Variants in GPM6A observed in about 807,000 individuals in gnomAD.
GPM6A encodes the protein glycoprotein M6A, also known as neuronal membrane glycoprotein M6-a.
A neutral mutation model predicts 32.1 loss-of-function variants in GPM6A; 7 were observed. That is an observed-to-expected ratio of 0.22 (90% confidence interval 0.12 to 0.41). The LOEUF (loss-of-function observed/expected upper bound fraction) is 0.41. Among genes scored for constraint, GPM6A ranks in the 10% least tolerant of loss-of-function variants. The pLI is 1.00. For synonymous variants in GPM6A, 130 were observed against 123.4 expected (o/e 1.05, Z -0.35); for missense variants, 235 against 347.2 (o/e 0.68, Z 2.57).
At chr4:175,817,642 G>A (rs889264871) in intron 1 of GPM6A, among the ~76,000 whole-genome samples, 4 of 7,768 alleles carry the variant, frequency 5.1e-4, no homozygotes, top group African/African-American at 6.0e-4. Context: ...GAAATTAGAT[G>A]GGAAAAAAGG....
At chr4:175,744,215 A>T (rs1161037963) in intron 1 of GPM6A, among the ~76,000 whole-genome samples, 2 of 152,072 alleles carry the variant, frequency 1.3e-5, no homozygotes. Flanking sequence ...AGGAGGGGGA[A>T]TATCCAAATA....
intron 1 of GPM6A, among the ~76,000 whole-genome samples, chr4:175,946,635 C>G (rs1183152145): frequency 6.6e-6 from 1 of 152,044 alleles, no homozygotes; most frequent in Admixed American, 6.5e-5. Context: ...ATGTCAAGAA[C>G]AGGGAACCGC....
intron 1 of GPM6A, among the ~76,000 whole-genome samples, chr4:175,752,391 C>T (rs187155349): frequency 4.6e-5 from 7 of 152,152 alleles, no homozygotes; most frequent in Admixed American, 3.3e-4. Flanking sequence ...TCTGCAAGGC[C>T]GAGCCTTTTT....
intron 1 of GPM6A, among the ~76,000 whole-genome samples, chr4:175,954,687 C>G (rs913416261): frequency 5.3e-5 from 8 of 152,312 alleles, no homozygotes; most frequent in Non-Finnish European, 8.8e-5. Context: ...AGTGAGGTTG[C>G]ACCCGTGTCT....
chr4:175,638,177 C>T (rs1402077329), intron 6 of GPM6A, among the ~76,000 whole-genome samples: 1 of 150,880 alleles, frequency 6.6e-6, no homozygotes, highest in African/African-American at 2.4e-5. Flanking sequence ...AATAACATTA[C>T]AATTACTATT....
At chr4:175,792,126 A>G (rs1481855398) in intron 1 of GPM6A, among the ~76,000 whole-genome samples, 1 of 152,200 alleles carries the variant, frequency 6.6e-6, no homozygotes, top group African/African-American at 2.4e-5. Context: ...ATCTCATTAT[A>G]AAAATATATT....
At chr4:175,998,606 T>C (rs1052601618) in intron 1 of GPM6A, among the ~76,000 whole-genome samples, 6 of 152,196 alleles carry the variant, frequency 3.9e-5, no homozygotes, top group African/African-American at 1.4e-4. Flanking sequence ...CTAGACAAAA[T>C]CTTCTATTCA....
Position 175,826,720 on chromosome 4 carries a change from A to C in GPM6A, c.-22-14471T>G, listed in dbSNP as rs537738758. On this transcript the variant is annotated intron_variant, in intron 1 of 7. Transcript: ENST00000280187. ...AAGTTTCTCATGGCTCAGAAAAGAG[A>C]GCTTCCTGAGTTTTTTATTAATAAA... Among the ~76,000 whole-genome samples the C allele has an allele frequency of 3.3e-5, 5 of 152,204 alleles. No individual in the cohort carries two copies. The East Asian group carries it at 9.7e-4, about 29-fold the overall frequency.
chr4:175,856,502 C>T (rs1176703518), intron 1 of GPM6A, among the ~76,000 whole-genome samples: 1 of 152,196 alleles, frequency 6.6e-6, no homozygotes, highest in Non-Finnish European at 1.5e-5. Flanking sequence ...GTGTTACAAA[C>T]AGTTTTTGCT....
At chr4:175,649,778 G>A (rs1741674772) in intron 4 of GPM6A, among the ~76,000 whole-genome samples, 1 of 152,114 alleles carries the variant, frequency 6.6e-6, no homozygotes, top group Non-Finnish European at 1.5e-5. Context: ...TTCAGATAAA[G>A]AACAAATCAT....
upstream of GPM6A, among the ~76,000 whole-genome samples, chr4:175,814,114 A>C (rs1391006938): frequency 6.6e-6 from 1 of 152,216 alleles, no homozygotes; most frequent in Non-Finnish European, 1.5e-5. Context: ...TAGATCCTTC[A>C]TTCGTTTTAT....
At chr4:175,802,331 T>G (rs1162454743) in intron 1 of GPM6A, among the ~76,000 whole-genome samples, 1 of 151,948 alleles carries the variant, frequency 6.6e-6, no homozygotes, top group Non-Finnish European at 1.5e-5. Context: ...ATCAAAAAAC[T>G]TAGTACACCA....
At chr4:175,671,542 G>T (rs1411134669) in intron 3 of GPM6A, among the ~76,000 whole-genome samples, 1 of 146,216 alleles carries the variant, frequency 6.8e-6, no homozygotes, top group East Asian at 2.1e-4. Flanking sequence ...TAGCAGGAGA[G>T]GGTGGACGAT....
At chr4:175,720,157 T>C (rs1229881566) in intron 1 of GPM6A, among the ~76,000 whole-genome samples, 3 of 152,224 alleles carry the variant, frequency 2.0e-5, no homozygotes, top group African/African-American at 7.2e-5. Flanking sequence ...CGGTAGAGGC[T>C]GAAAATAAAG....
chr4:175,985,751 T>C (rs1219009419), intron 1 of GPM6A, among the ~76,000 whole-genome samples: 1 of 152,194 alleles, frequency 6.6e-6, no homozygotes, highest in Non-Finnish European at 1.5e-5. Context: ...AATTTACTTA[T>C]AATTTTTATC....
chr4:175,816,546 C>T (rs959423859), upstream of GPM6A, among the ~76,000 whole-genome samples: 2 of 152,040 alleles, frequency 1.3e-5, no homozygotes, highest in African/African-American at 4.8e-5. Flanking sequence ...GTTGTGGTTC[C>T]AAATATCGCA....
chr4:175,937,009 T>C (rs73871286), intron 1 of GPM6A, among the ~76,000 whole-genome samples: 1,545 of 152,296 alleles, frequency 0.01, 28 homozygotes, highest in African/African-American at 0.035. Context: ...ATGTAAATTA[T>C]ATCTTTTCCT....
chr4:175,912,456 A>G (rs945181840), intron 1 of GPM6A, among the ~76,000 whole-genome samples: 3 of 152,076 alleles, frequency 2.0e-5, no homozygotes, highest in Admixed American at 1.3e-4. Flanking sequence ...GGAGTTCGAG[A>G]CCAGCCAGGC....
intron 1 of GPM6A, among the ~76,000 whole-genome samples, chr4:175,723,409 C>G (rs546107055): frequency 6.6e-6 from 1 of 152,208 alleles, no homozygotes; most frequent in African/African-American, 2.4e-5. Flanking sequence ...CCATTTCAAC[C>G]ATTTATTTTA....
Sources: gnomAD v4.1 joint callset for allele counts (sites outside exome capture counted in the v4.1 genomes callset) on GRCh38, gnomAD v4.1.1 for gene constraint, MANE v1.5 for transcripts, NCBI Gene and HGNC (gene_info 2026-07-23, HGNC 2026-07-21) for gene names.